Variants in ACTR2 observed in about 807,000 individuals in gnomAD.
The protein encoded by ACTR2 is actin related protein 2.
In ACTR2, 5 loss-of-function variants were observed where a neutral mutation model predicts 50.2. The observed-to-expected ratio is 0.10, with a 90% CI of 0.05 to 0.21. The LOEUF (loss-of-function observed/expected upper bound fraction) is 0.21, where lower values mean the gene tolerates loss of function less well. Among genes scored for constraint, ACTR2 ranks in the 10% least tolerant of loss-of-function variants. The pLI is 1.00. For synonymous variants in ACTR2, 140 were observed against 162.9 expected (o/e 0.86, Z 1.07); for missense variants, 180 against 480.6 (o/e 0.37, Z 5.85).
intron 6 of ACTR2, among the ~76,000 whole-genome samples, chr2:65,259,645 T>C (rs1464701307): frequency 6.6e-6 from 1 of 152,082 alleles, no homozygotes; most frequent in Non-Finnish European, 1.5e-5. Context: ...ATGAGAATCA[T>C]TTGAACCCAG....
At chr2:65,228,002 GGGACGAGCAGCTGGCGCAC>G (rs1671559064) in intron 1 of ACTR2, 45 bp downstream of exon 1, 1 of 1,473,852 alleles carries the variant, frequency 6.8e-7, no homozygotes, top group African/African-American at 1.5e-5. Flanking sequence ...GACGCCGGCG[GGGACGAGCAGCTGGCGCAC>G]GGGCCCTCGG....
chr2:65,257,808 ATTTG>A (rs1381742950), intron 6 of ACTR2, among the ~76,000 whole-genome samples: 3 of 152,108 alleles, frequency 2.0e-5, no homozygotes, highest in African/African-American at 7.2e-5. Flanking sequence ...TTTCTGGTAA[ATTTG>A]TTTAAGTTCC....
At chr2:65,248,798 G>A (rs540476448) in intron 3 of ACTR2, among the ~76,000 whole-genome samples, 200 of 152,240 alleles carry the variant, frequency 1.3e-3, no homozygotes, top group Middle Eastern at 0.01. Flanking sequence ...TGGATCACTT[G>A]AGACTAGGAA....
intron 2 of ACTR2, among the ~76,000 whole-genome samples, chr2:65,240,591 A>G (rs1573152297): frequency 6.6e-6 from 1 of 152,328 alleles, no homozygotes; most frequent in East Asian, 1.9e-4. Flanking sequence ...ACATGAAAAG[A>G]CGATCGATTT....
intron 2 of ACTR2, among the ~76,000 whole-genome samples, chr2:65,245,552 CT>C (rs1285363237): frequency 6.6e-6 from 1 of 151,900 alleles, no homozygotes; most frequent in Non-Finnish European, 1.5e-5. Flanking sequence ...TTTGCTGCTG[CT>C]TTTTTTTGTC....
At chr2:65,233,771 C>T (rs1177824653) in intron 1 of ACTR2, among the ~76,000 whole-genome samples, 1 of 151,958 alleles carries the variant, frequency 6.6e-6, no homozygotes, top group African/African-American at 2.4e-5. Flanking sequence ...ACCACCACGC[C>T]CAGCCAATTT....
At chr2:65,246,267 T>C (rs564941042) in intron 2 of ACTR2, 1 of 267,936 alleles carries the variant, frequency 3.7e-6, no homozygotes, top group East Asian at 7.7e-5. Context: ...GTGGGGTTTA[T>C]TTGTGCTAAT....
chr2:65,227,983 G>T (rs1489573476), intron 1 of ACTR2, 26 bp downstream of exon 1: 2 of 1,491,470 alleles, frequency 1.3e-6, no homozygotes, highest in African/African-American at 2.9e-5. Flanking sequence ...GGAGGCCTTG[G>T]CGGCCACAGA....
rs1672135777 is a variant in ACTR2 at position 65,255,603 on chromosome 2, T to C, written c.644T>C (p.Met215Thr). 1 of 1,613,972 alleles carries C rather than the reference T, an allele frequency of 6.2e-7. No individual in the cohort carries two copies. Among genetic ancestry groups the C allele is most frequent in the African/African-American group, 1.3e-5 (1 of 74,938 alleles). The change falls in exon 6 of 9, where the codon ATG becomes ACG. Residue 215 changes from methionine (M) to threonine (T), a missense_variant. By Grantham distance (81) the Met-to-Thr change is moderately conservative. Transcript: ENST00000260641. ...NHSADFETVR[M>T]IKEKLCYVGY... ...TCTGCTGATTTTGAAACGGTTCGCATGATTAAAGAAAAACTGTGTTACGTG... is the reference window on the plus strand; with the variant it reads ...TCTGCTGATTTTGAAACGGTTCGCACGATTAAAGAAAAACTGTGTTACGTG...
At chr2:65,255,514 T>C (rs376085095) in intron 5 of ACTR2, 31 bp from the exon 6 acceptor site, 37 of 1,599,844 alleles carry the variant, frequency 2.3e-5, no homozygotes, top group Non-Finnish European at 2.9e-5. Context: ...TTCAGATGTA[T>C]TATGAACTTA....
intron 1 of ACTR2, among the ~76,000 whole-genome samples, chr2:65,231,334 G>A (rs1175695088): frequency 1.3e-5 from 2 of 152,098 alleles, no homozygotes; most frequent in African/African-American, 4.8e-5. Flanking sequence ...GTATGTAGAG[G>A]ACTAGGAACC....
chr2:65,234,067 C>T (rs760167130), intron 1 of ACTR2, among the ~76,000 whole-genome samples: 6 of 152,020 alleles, frequency 3.9e-5, no homozygotes, highest in Non-Finnish European at 7.4e-5. Context: ...TGTGTCACCA[C>T]GCCTGGCTAA....
At chr2:65,230,457 G>C (rs1671614098) in intron 1 of ACTR2, among the ~76,000 whole-genome samples, 1 of 144,554 alleles carries the variant, frequency 6.9e-6, no homozygotes. Context: ...TGTTGCCCAG[G>C]CTGGAGAGCG....
chr2:65,227,957 G>C lies in ACTR2; in HGVS notation c.48G>C (p.Gly16=). Residue 16 remains glycine, a splice_region_variant and synonymous_variant, in exon 1 of 9, where the codon GGG becomes GGC. Transcript: ENST00000260641. ...TGGTGGTGTGCGACAACGGCACCGG[G>C]GTAAGGGCCGCGCGAGGAGGCCTTG... ...RKVVVCDNGT[G]FVKCGYAGSN... The C allele has an allele frequency of 6.6e-7, 1 of 1,512,126 alleles. No individual in the cohort carries two copies. The highest frequency in any genetic ancestry group is 8.8e-7 in the Non-Finnish European group (1 of 1,131,418). The allele number at this position is 1,512,126 out of a possible 1,614,324, so 93.7% of individuals were successfully genotyped here. A position where few individuals can be genotyped will look rare whatever the true frequency, so the allele number is the denominator to read the frequency against.
Position 65,255,816 on chromosome 2 carries a change from A to G in ACTR2, c.735+122A>G, listed in dbSNP as rs1205512938. The G allele has an allele frequency of 6.8e-6, 5 of 738,926 alleles. No individual in the cohort carries two copies. The Admixed American group carries it at 1.3e-4, about 19-fold the overall frequency. 45.8% of individuals were successfully genotyped at this position (738,926 alleles called of 1,614,324 possible). On this transcript the variant is annotated intron_variant, in intron 6 of 8. Transcript: ENST00000260641. ...TGTCTTGGGTTGTTGTAATATGTATATGTGTGACTTTTAATGTCTCTTTCT... is the reference window on the plus strand; with the variant it reads ...TGTCTTGGGTTGTTGTAATATGTATGTGTGTGACTTTTAATGTCTCTTTCT...
At chr2:65,252,716 C>G (rs1672076985) in intron 4 of ACTR2, among the ~76,000 whole-genome samples, 2 of 152,072 alleles carry the variant, frequency 1.3e-5, no homozygotes, top group Non-Finnish European at 1.5e-5. Flanking sequence ...TGGCTGTAAT[C>G]CCAGCACTTT....
intron 5 of ACTR2, among the ~76,000 whole-genome samples, chr2:65,254,292 T>G (rs1253167125): frequency 6.6e-6 from 1 of 152,132 alleles, no homozygotes; most frequent in African/African-American, 2.4e-5. Flanking sequence ...TCTTGTCCTT[T>G]CCTACAAAAT....
intron 7 of ACTR2, 47 bp from the exon 8 acceptor site, chr2:65,264,996 T>A (rs1338420931): frequency 6.2e-7 from 1 of 1,608,114 alleles, no homozygotes. Context: ...TGAGATACCA[T>A]TTTCCTAACC....
intron 4 of ACTR2, among the ~76,000 whole-genome samples, chr2:65,251,704 G>A (rs1398194098): frequency 1.3e-5 from 2 of 151,942 alleles, no homozygotes. Context: ...CCCCAGAATT[G>A]GCTTGAGTTA....
Sources: gnomAD v4.1 joint callset for allele counts (sites outside exome capture counted in the v4.1 genomes callset) on GRCh38, gnomAD v4.1.1 for gene constraint, MANE v1.5 for transcripts, NCBI Gene and HGNC (gene_info 2026-07-23, HGNC 2026-07-21) for gene names.